NUP98: variants seen among roughly 807,000 people sequenced by gnomAD.
NUP98 encodes the protein nucleoporin 98 and 96 precursor.
Under a neutral mutation model 191.9 loss-of-function variants are expected in NUP98, and 26 were observed. The ratio of observed to expected loss-of-function variants is 0.14; its 90% CI spans 0.10 to 0.19. The LOEUF (loss-of-function observed/expected upper bound fraction) is 0.19, where lower values mean the gene tolerates loss of function less well. Ranked by LOEUF, NUP98 falls within the 10% of genes least tolerant of loss-of-function variation. The pLI, the probability that NUP98 is intolerant of heterozygous loss-of-function variation, is 1.00. For missense variants in NUP98, 1,941 were observed against 2,178.8 expected (o/e 0.89, Z 2.17); for synonymous variants, 808 against 778.4 (o/e 1.04, Z -0.63).
intron 13 of NUP98, 121 bp from the exon 14 acceptor site, chr11:3,731,699 G>T: frequency 1.6e-6 from 1 of 609,404 alleles, no homozygotes; most frequent in African/African-American, 1.9e-5. Context: ...GATACCTGTT[G>T]AAGTCTCTGT....
intron 10 of NUP98, among the ~76,000 whole-genome samples, chr11:3,759,334 T>C (rs1031998878): frequency 1.3e-4 from 20 of 152,122 alleles, no homozygotes; most frequent in Admixed American, 1.3e-3. Flanking sequence ...TGGTGGCTCA[T>C]GCCTATAATC....
chr11:3,684,744 CTAA>C (rs1264580182), intron 29 of NUP98, among the ~76,000 whole-genome samples: 1 of 115,588 alleles, frequency 8.7e-6, no homozygotes, highest in Admixed American at 9.0e-5. Flanking sequence ...TAAATAGAAA[CTAA>C]TGTTATGCTT....
rs1564906709 is a variant in NUP98 at position 3,768,748 on chromosome 11, T to C, written c.785-4A>G. 6.6e-7 allele frequency: 1 copy of C among 1,523,128 alleles called. No homozygotes were observed. The highest frequency in any genetic ancestry group is 8.8e-7 in the Non-Finnish European group (1 of 1,138,480). 94.4% of individuals were successfully genotyped at this position (1,523,128 alleles called of 1,614,324 possible). A position where few individuals can be genotyped will look rare whatever the true frequency, so the allele number is the denominator to read the frequency against. On this transcript the variant is annotated splice_polypyrimidine_tract_variant and splice_region_variant and intron_variant, in intron 7 of 32. Coordinates refer to ENST00000324932, the MANE Select transcript of NUP98 (RefSeq NM_016320.5). ...TTTGTTCCAAATCCAGTTGTACCTTTTAGGAAAAAGAAAAAAAAAAGAAAA... is the reference window on the plus strand; with the variant it reads ...TTTGTTCCAAATCCAGTTGTACCTTCTAGGAAAAAGAAAAAAAAAAGAAAA...
At chr11:3,758,922 C>CAAAATGAAA (rs2081070606) in intron 10 of NUP98, among the ~76,000 whole-genome samples, 1 of 152,134 alleles carries the variant, frequency 6.6e-6, no homozygotes, top group African/African-American at 2.4e-5. Flanking sequence ...AGTGAATGAG[C>CAAAATGAAA]AAAATGACTA....
At chr11:3,690,901 T>C (rs757932972) in intron 28 of NUP98, among the ~76,000 whole-genome samples, 1 of 152,130 alleles carries the variant, frequency 6.6e-6, no homozygotes, top group Non-Finnish European at 1.5e-5. Flanking sequence ...CTCACAATTA[T>C]TATGCAGAAT....
chr11:3,718,672 GATAA>G (rs2079276059), intron 18 of NUP98, among the ~76,000 whole-genome samples: 1 of 152,176 alleles, frequency 6.6e-6, no homozygotes, highest in South Asian at 2.1e-4. Flanking sequence ...AGGTTATGAA[GATAA>G]ATAATTTTCA....
intron 13 of NUP98, among the ~76,000 whole-genome samples, chr11:3,734,660 A>G (rs1450041200): frequency 6.6e-6 from 1 of 152,250 alleles, no homozygotes; most frequent in Admixed American, 6.5e-5. Context: ...GTTATAAGAG[A>G]TTAAAGACAA....
chr11:3,747,744 G>A (rs2080561584), intron 11 of NUP98, among the ~76,000 whole-genome samples: 1 of 152,182 alleles, frequency 6.6e-6, no homozygotes, highest in Non-Finnish European at 1.5e-5. Flanking sequence ...ATAAGAAGCT[G>A]CAGAGAAACA....
At chr11:3,693,812 C>A (rs895135322) in intron 26 of NUP98, among the ~76,000 whole-genome samples, 2 of 152,150 alleles carry the variant, frequency 1.3e-5, no homozygotes, top group African/African-American at 4.8e-5. Flanking sequence ...AAGTGCTGAC[C>A]AGCTACATTT....
At chr11:3,684,797 A>AG (rs2078090512) in intron 29 of NUP98, among the ~76,000 whole-genome samples, 1 of 117,458 alleles carries the variant, frequency 8.5e-6, no homozygotes, top group Non-Finnish European at 1.8e-5. Flanking sequence ...AAAAAAAAAA[A>AG]AGGCTTAGGC....
chr11:3,679,893 G>T (rs1217246508), intron 30 of NUP98, 185 bp from the exon 31 acceptor site: 3 of 627,044 alleles, frequency 4.8e-6, no homozygotes, highest in Non-Finnish European at 8.0e-6. Context: ...AATAAAGCAG[G>T]TATCACAATA....
chr11:3,754,530 G>GCTTT (rs2080888700), intron 10 of NUP98, among the ~76,000 whole-genome samples: 1 of 152,182 alleles, frequency 6.6e-6, no homozygotes, highest in Non-Finnish European at 1.5e-5. Context: ...TTCCACAGTA[G>GCTTT]CTTTTATTTT....
intron 19 of NUP98, 51 bp from the exon 20 acceptor site, chr11:3,712,779 A>G (rs1421952559): frequency 6.4e-7 from 1 of 1,563,592 alleles, no homozygotes; most frequent in African/African-American, 1.4e-5. Flanking sequence ...TGCTTTCCCA[A>G]TACCTGCCTT....
intron 19 of NUP98, among the ~76,000 whole-genome samples, 171 bp from the exon 20 acceptor site, chr11:3,712,899 C>T (rs1201285967): frequency 2.0e-5 from 3 of 152,112 alleles, no homozygotes; most frequent in African/African-American, 4.8e-5. Context: ...ATTTAGAAGA[C>T]GTTTGATGTA....
At chr11:3,709,227 A>C (rs1209961889) in intron 20 of NUP98, among the ~76,000 whole-genome samples, 1 of 152,100 alleles carries the variant, frequency 6.6e-6, no homozygotes, top group Non-Finnish European at 1.5e-5. Context: ...CTGTCTCAAA[A>C]AGAACTAGTT....
rs772692408 is a variant in NUP98, at chr11:3,683,483, A to T, written c.4677-42T>A. ...GCTAGAATAAATCCCATCCTCATTC[A>T]TGGAGAAGGCTGCCCCAGGCAGCTT... On this transcript the variant is annotated intron_variant, in intron 29 of 32. Transcript: ENST00000324932. The T allele has an allele frequency of 2.5e-6, 4 of 1,607,444 alleles. No individual in the cohort carries two copies. In the South Asian group the frequency reaches 3.3e-5, roughly 13 times the overall value.
chr11:3,707,826 C>CA (rs2078909532), intron 20 of NUP98, among the ~76,000 whole-genome samples: 2 of 148,914 alleles, frequency 1.3e-5, no homozygotes, highest in African/African-American at 5.0e-5. Context: ...AGTGGCTGGT[C>CA]ATGGTGGCTC....
chr11:3,750,802 CTATTT>C (rs1010006715), intron 11 of NUP98, among the ~76,000 whole-genome samples: 2 of 152,024 alleles, frequency 1.3e-5, no homozygotes, highest in Non-Finnish European at 2.9e-5. Flanking sequence ...CCATGCATAT[CTATTT>C]TATTTTATTT....
At chr11:3,683,484 T>C (rs778139902) in intron 29 of NUP98, 43 bp from the exon 30 acceptor site, 2 of 1,606,556 alleles carry the variant, frequency 1.2e-6, no homozygotes, top group Non-Finnish European at 1.7e-6. Context: ...TCCTCATTCA[T>C]GGAGAAGGCT....
Sources: gnomAD v4.1 joint callset for allele counts (sites outside exome capture counted in the v4.1 genomes callset) on GRCh38, gnomAD v4.1.1 for gene constraint, MANE v1.5 for transcripts, NCBI Gene and HGNC (gene_info 2026-07-23, HGNC 2026-07-21) for gene names.